The following EPHA5 variants were observed in gnomAD, a reference collection of about 807,000 sequenced individuals.
The protein encoded by EPHA5 is ephrin type-A receptor 5.
EPHA5 carries 60 observed loss-of-function variants against 105.0 expected under a neutral mutation model. That is an observed-to-expected ratio of 0.57 (90% CI 0.46 to 0.71). The LOEUF (loss-of-function observed/expected upper bound fraction) is 0.71, where lower values mean the gene tolerates loss of function less well. Ranked by LOEUF, EPHA5 falls within the 30% of genes least tolerant of loss-of-function variation. EPHA5 has a pLI of 0.00. For missense variants in EPHA5, 1,218 were observed against 1,274.7 expected (o/e 0.96, Z 0.68); for synonymous variants, 513 against 449.1 (o/e 1.14, Z -1.80).
chr4:65,619,567 A>T (rs932010865), intron 2 of EPHA5, among the ~76,000 whole-genome samples: 3 of 152,292 alleles, frequency 2.0e-5, no homozygotes, highest in Admixed American at 1.3e-4. Flanking sequence ...GGTTTTAAAA[A>T]AGTATCACTA....
chr4:65,552,351 G>T (rs1305290265), intron 3 of EPHA5, among the ~76,000 whole-genome samples: 1 of 152,150 alleles, frequency 6.6e-6, no homozygotes, highest in Non-Finnish European at 1.5e-5. Flanking sequence ...GCTAAGTTTG[G>T]CATACCACCT....
At chr4:65,519,174 A>G (rs1338419053) in intron 3 of EPHA5, among the ~76,000 whole-genome samples, 1 of 151,992 alleles carries the variant, frequency 6.6e-6, no homozygotes, top group African/African-American at 2.4e-5. Context: ...AATAATGTAA[A>G]TGCAAATAAT....
intron 8 of EPHA5, among the ~76,000 whole-genome samples, chr4:65,381,285 T>TTA (rs1292022787): frequency 2.6e-5 from 4 of 151,688 alleles, no homozygotes; most frequent in African/African-American, 9.7e-5. Flanking sequence ...GTAAATATGG[T>TTA]ATAATATTAA....
chr4:65,644,187 A>C (rs1011936281), intron 1 of EPHA5, among the ~76,000 whole-genome samples: 1 of 148,664 alleles, frequency 6.7e-6, no homozygotes, highest in Non-Finnish European at 1.5e-5. Flanking sequence ...TTACAAAAGG[A>C]AGCCATTTAT....
In EPHA5 at chr4:65,633,699, A is replaced by T. The variant is rs192405394; in HGVS notation, c.246+9664T>A. Among the ~76,000 whole-genome samples, 73 of 152,082 alleles carry T rather than the reference A, an allele frequency of 4.8e-4. No homozygotes were observed. In the East Asian group the frequency reaches 9.1e-3, roughly 19 times the overall value. On this transcript the variant is annotated intron_variant, in intron 2 of 16. Coordinates refer to ENST00000613740, the MANE Select transcript of EPHA5 (RefSeq NM_001281766.3). ...GGAAAATATTTGGACTCAATATGAGATTGTGGAAATTATACTGGGAAATAT... is the reference window on the plus strand; with the variant it reads ...GGAAAATATTTGGACTCAATATGAGTTTGTGGAAATTATACTGGGAAATAT...
chr4:65,560,374 A>C (rs1009419895), intron 3 of EPHA5, among the ~76,000 whole-genome samples: 2 of 152,070 alleles, frequency 1.3e-5, no homozygotes, highest in African/African-American at 4.8e-5. Flanking sequence ...ATGCATAGCC[A>C]TTGTCCCGTA....
intron 13 of EPHA5, among the ~76,000 whole-genome samples, chr4:65,348,734 TATATATGTGTGTGC>T (rs1232792176): frequency 0.021 from 2,376 of 115,434 alleles, 92 homozygotes; most frequent in Admixed American, 0.041. Context: ...TGTGTGTGTA[TATATATGTGTGTGC>T]ATATATATAT....
chr4:65,549,872 G>T (rs1450909797), intron 3 of EPHA5, among the ~76,000 whole-genome samples: 1 of 152,034 alleles, frequency 6.6e-6, no homozygotes, highest in Non-Finnish European at 1.5e-5. Flanking sequence ...ACAAGTTCCT[G>T]TCCTGCTAAG....
chr4:65,333,249 A>G (rs1260257613), intron 15 of EPHA5, among the ~76,000 whole-genome samples: 1 of 151,658 alleles, frequency 6.6e-6, no homozygotes, highest in African/African-American at 2.4e-5. Context: ...TATAAGAAAA[A>G]GGACACAAAT....
chr4:65,360,057 C>T (rs1200013082), intron 11 of EPHA5, among the ~76,000 whole-genome samples: 1 of 151,634 alleles, frequency 6.6e-6, no homozygotes, highest in Non-Finnish European at 1.5e-5. Context: ...AGTCCCTCTT[C>T]CTGTAACAGT....
intron 3 of EPHA5, among the ~76,000 whole-genome samples, chr4:65,499,529 C>T (rs1333064888): frequency 6.6e-6 from 1 of 151,584 alleles, no homozygotes; most frequent in Non-Finnish European, 1.5e-5. Context: ...ATTGATACCT[C>T]TCAATGAAAA....
chr4:65,610,368 C>G (rs902649946), intron 2 of EPHA5, among the ~76,000 whole-genome samples: 5 of 151,958 alleles, frequency 3.3e-5, no homozygotes, highest in African/African-American at 1.2e-4. Context: ...GACTGCTTGA[C>G]AGAGGAGTGT....
At chr4:65,590,233 A>C (rs1414283955) in intron 3 of EPHA5, among the ~76,000 whole-genome samples, 2 of 152,164 alleles carry the variant, frequency 1.3e-5, no homozygotes, top group African/African-American at 4.8e-5. Flanking sequence ...AATGAGCAGG[A>C]TATCTTCAAG....
At chr4:65,561,522 T>G (rs932442805) in intron 3 of EPHA5, among the ~76,000 whole-genome samples, 1 of 152,122 alleles carries the variant, frequency 6.6e-6, no homozygotes, top group African/African-American at 2.4e-5. Flanking sequence ...GTTTCTAGAT[T>G]TAGGCTGTTC....
chr4:65,443,552 G>A (rs1196292937), intron 5 of EPHA5, among the ~76,000 whole-genome samples: 1 of 152,070 alleles, frequency 6.6e-6, no homozygotes, highest in African/African-American at 2.4e-5. Flanking sequence ...CCTGGCTGAA[G>A]CTACCTTAGA....
intron 5 of EPHA5, among the ~76,000 whole-genome samples, chr4:65,439,847 T>G (rs1425022593): frequency 2.6e-5 from 4 of 152,142 alleles, no homozygotes; most frequent in Non-Finnish European, 1.5e-5. Context: ...TGCATTTAAT[T>G]GATTTAGATA....
In EPHA5 at chr4:65,336,061, TAGAG is replaced by T; in HGVS notation, c.2656_2659del (p.Leu886IlefsTer3). On this transcript the variant is annotated frameshift_variant, in exon 15 of 17. Coordinates refer to ENST00000613740, the MANE Select transcript of EPHA5 (RefSeq NM_001281766.3). LOFTEE classifies it high-confidence loss of function. ...CTGCCAGCAATCCAGCATTAACTGA[TAGAG>T]AGCAGCAGGACAATCCATGGGGCTT... 1.2e-6 allele frequency: 2 copies of T among 1,613,298 alleles called. No individual in the cohort carries two copies. The highest frequency in any genetic ancestry group is 1.7e-6 in the Non-Finnish European group (2 of 1,179,600).
rs55710198 is a variant in EPHA5 at position 65,601,848 on chromosome 4, A to C, written c.703T>G (p.Ser235Ala). ...AAGACAGCCAAGTGTCGTACCACAG[A>C]AGGGCATTTTTTATAGTATACACGC... ...SVRVYYKKCP[S>A]VVRHLAVFPD... is the part of the protein sequence containing the mutation. Residue 235 changes from serine to alanine, a missense_variant, in exon 3 of 17, where the codon TCT becomes GCT. By Grantham distance (99) the Ser-to-Ala change is moderately conservative. Coordinates refer to ENST00000613740, the MANE Select transcript of EPHA5 (RefSeq NM_001281766.3). The C allele has an allele frequency of 1.9e-4, 300 of 1,614,136 alleles. 3 individuals carry two copies. The East Asian group carries it at 5.4e-3, about 29-fold the overall frequency.
chr4:65,569,696 T>C (rs1739920659), intron 3 of EPHA5, among the ~76,000 whole-genome samples: 1 of 151,766 alleles, frequency 6.6e-6, no homozygotes, highest in African/African-American at 2.4e-5. Flanking sequence ...TAATTATTCA[T>C]TTTTGTGAAA....
Sources: allele counts gnomAD v4.1 joint callset (sites outside exome capture counted in the v4.1 genomes callset), GRCh38; gene constraint gnomAD v4.1.1; transcripts MANE v1.5; gene names NCBI Gene and HGNC (gene_info 2026-07-23, HGNC 2026-07-21).